Variants in SLC17A5 observed in about 807,000 individuals in gnomAD.
SLC17A5 encodes solute carrier family 17 member 5.
SLC17A5 carries 47 observed loss-of-function variants against 59.4 expected under a neutral mutation model. The ratio of observed to expected loss-of-function variants is 0.79; its 90% confidence interval spans 0.63 to 1.01. The LOEUF is 1.01. Among genes scored for constraint, SLC17A5 ranks in the 50% least tolerant of loss-of-function variants. SLC17A5 has a pLI of 0.00. For synonymous variants in SLC17A5, 202 were observed against 210.7 expected (o/e 0.96, Z 0.36); for missense variants, 522 against 595.5 (o/e 0.88, Z 1.28).
intron 1 of SLC17A5, among the ~76,000 whole-genome samples, chr6:73,648,086 A>G (rs1322088204): frequency 6.6e-6 from 1 of 152,216 alleles, no homozygotes; most frequent in Non-Finnish European, 1.5e-5. Context: ...AAAAGAAAAT[A>G]AAAAGCCAAC....
chr6:73,621,293 C>T (rs192294637), intron 7 of SLC17A5, among the ~76,000 whole-genome samples: 25 of 152,318 alleles, frequency 1.6e-4, no homozygotes, highest in African/African-American at 5.3e-4. Context: ...GCGTGAGCGA[C>T]CGCGCCTGGC....
At chr6:73,618,686 T>C (rs998545865) in intron 7 of SLC17A5, 1 of 262,902 alleles carries the variant, frequency 3.8e-6, no homozygotes, top group Non-Finnish European at 7.5e-6. Flanking sequence ...ATGTGACTCT[T>C]GCTTTCACTT....
At chr6:73,606,011 A>T (rs908294524) in intron 9 of SLC17A5, among the ~76,000 whole-genome samples, 2 of 151,716 alleles carry the variant, frequency 1.3e-5, no homozygotes, top group Non-Finnish European at 2.9e-5. Context: ...AAATAATAAT[A>T]ATTTTGAATT....
rs746795819 is a variant in SLC17A5 at position 73,621,909 on chromosome 6, A to C, written c.873T>G (p.Leu291=). 1 of 1,614,044 alleles carries C rather than the reference A, an allele frequency of 6.2e-7. No homozygotes were observed. The highest frequency in any genetic ancestry group is 2.2e-5 in the East Asian group (1 of 44,852). ...PWVPILKSLP[L]WAIVVAHFSY... ...AAAAGTGTGCAACTACGATAGCCCA[A>C]AGTGGCAGGGATTTTAAAATGGGTA... is the stretch of plus-strand genomic sequence containing the variant. The change falls in exon 7 of 11, where the codon CTT becomes CTG. Residue 291 remains leucine, a synonymous_variant. Coordinates refer to ENST00000355773, the MANE Select transcript of SLC17A5 (RefSeq NM_012434.5).
At position 73,653,426 on chromosome 6, in the gene SLC17A5, C is replaced by T. The variant is rs180971607; in HGVS notation, c.94+367G>A. ...TTCATTTGATGATTCTCTCCCAGTT[C>T]GTTCTTCCACTGGGTCCCTTGCTCA... On this transcript the variant is annotated intron_variant, in intron 1 of 10. Transcript: ENST00000355773. 2.6e-3 allele frequency: 2,585 copies of T among 985,406 alleles called. 3 individuals carry two copies. Among genetic ancestry groups the T allele is most frequent in the Non-Finnish European group, 3.0e-3 (2,459 of 829,906 alleles). 61.0% of individuals were successfully genotyped at this position (985,406 alleles called of 1,614,324 possible).
chr6:73,646,834 G>A (rs1018128441), intron 1 of SLC17A5, among the ~76,000 whole-genome samples: 1 of 151,984 alleles, frequency 6.6e-6, no homozygotes, highest in African/African-American at 2.4e-5. Context: ...CAGCATATCT[G>A]ACTAATTTTT....
At chr6:73,617,906 T>A (rs369205882) in intron 7 of SLC17A5, among the ~76,000 whole-genome samples, 2 of 151,928 alleles carry the variant, frequency 1.3e-5, no homozygotes, top group East Asian at 1.9e-4. Context: ...AAGGATAAGA[T>A]CCCTTGTATT....
At chr6:73,630,177 G>A (rs944211918) in intron 6 of SLC17A5, among the ~76,000 whole-genome samples, 1 of 151,688 alleles carries the variant, frequency 6.6e-6, no homozygotes, top group African/African-American at 2.4e-5. Context: ...ATTTTTACTA[G>A]AGATGGAGCT....
At chr6:73,613,049 A>C (rs939862309) in intron 8 of SLC17A5, among the ~76,000 whole-genome samples, 4 of 152,178 alleles carry the variant, frequency 2.6e-5, no homozygotes, top group African/African-American at 4.8e-5. Flanking sequence ...CTCAAAAAAA[A>C]AAAAAATTAC....
At chr6:73,645,944 G>A (rs917860169) in intron 1 of SLC17A5, among the ~76,000 whole-genome samples, 12 of 152,104 alleles carry the variant, frequency 7.9e-5, no homozygotes, top group Non-Finnish European at 4.4e-5. Flanking sequence ...CAGAATTGGA[G>A]AGGGATAGGA....
chr6:73,641,286 C>A (rs1171229914), intron 3 of SLC17A5, among the ~76,000 whole-genome samples: 1 of 152,076 alleles, frequency 6.6e-6, no homozygotes, highest in Non-Finnish European at 1.5e-5. Context: ...CACCTGTTGG[C>A]CAGGCTGGTC....
At chr6:73,599,781 G>C (rs1766973329) in intron 10 of SLC17A5, among the ~76,000 whole-genome samples, 1 of 150,810 alleles carries the variant, frequency 6.6e-6, no homozygotes, top group Admixed American at 6.7e-5. Context: ...TAATAAGAAA[G>C]TCTGTAAGTA....
intron 6 of SLC17A5, among the ~76,000 whole-genome samples, chr6:73,627,660 A>G (rs562210357): frequency 2.4e-4 from 35 of 148,784 alleles, no homozygotes; most frequent in Admixed American, 8.1e-4. Context: ...AAGGAATCTC[A>G]CTCTGTTGCC....
At chr6:73,601,124 A>G (rs1436965117) in intron 9 of SLC17A5, among the ~76,000 whole-genome samples, 38 of 128,424 alleles carry the variant, frequency 3.0e-4, no homozygotes, top group East Asian at 1.2e-3. Flanking sequence ...CAGCCATCCC[A>G]TCTGGGAAGT....
chr6:73,639,023 G>A (rs951189057), intron 3 of SLC17A5, among the ~76,000 whole-genome samples: 1 of 151,962 alleles, frequency 6.6e-6, no homozygotes, highest in African/African-American at 2.4e-5. Flanking sequence ...TAATATTTTG[G>A]GATACTGAAA....
intron 9 of SLC17A5, among the ~76,000 whole-genome samples, chr6:73,603,277 G>A (rs189527775): frequency 1.7e-3 from 262 of 152,066 alleles, no homozygotes; most frequent in Middle Eastern, 6.8e-3. Flanking sequence ...GACTATACAC[G>A]CATGCCATGT....
chr6:73,607,534 G>A (rs572163908), intron 9 of SLC17A5, among the ~76,000 whole-genome samples: 17 of 152,028 alleles, frequency 1.1e-4, no homozygotes, highest in Non-Finnish European at 2.5e-4. Context: ...CCAAAGTGCC[G>A]GGATTACAGG....
chr6:73,606,507 T>C (rs896801532), intron 9 of SLC17A5, among the ~76,000 whole-genome samples: 1 of 152,202 alleles, frequency 6.6e-6, no homozygotes, highest in African/African-American at 2.4e-5. Context: ...GATATCTAGA[T>C]AAATGTCTTT....
intron 9 of SLC17A5, among the ~76,000 whole-genome samples, chr6:73,604,926 T>G (rs2150081941): frequency 6.6e-6 from 1 of 152,264 alleles, no homozygotes; most frequent in Non-Finnish European, 1.5e-5. Flanking sequence ...TTTATAAGGG[T>G]TTTATATATC....
Sources: allele counts gnomAD v4.1 joint callset (sites outside exome capture counted in the v4.1 genomes callset), GRCh38; gene constraint gnomAD v4.1.1; transcripts MANE v1.5; gene names NCBI Gene and HGNC (gene_info 2026-07-23, HGNC 2026-07-21).